The following SGCZ variants were observed in gnomAD, a reference collection of about 807,000 sequenced individuals.
The protein encoded by SGCZ is sarcoglycan zeta, also known as zeta-sarcoglycan.
Under a neutral mutation model 41.3 loss-of-function variants are expected in SGCZ, and 40 were observed. That is an observed-to-expected ratio of 0.97 (90% CI 0.75 to 1.26). The LOEUF (loss-of-function observed/expected upper bound fraction) is 1.26. Ranked by LOEUF, SGCZ falls within the 50% of genes most tolerant of loss-of-function variation. SGCZ has a pLI of 0.00. For missense variants in SGCZ, 552 were observed against 369.8 expected (o/e 1.49, Z -4.04); for synonymous variants, 206 against 137.5 (o/e 1.50, Z -3.49).
At chr8:14,538,393 A>G (rs1005552137) in intron 2 of SGCZ, among the ~76,000 whole-genome samples, 7 of 152,052 alleles carry the variant, frequency 4.6e-5, no homozygotes, top group East Asian at 3.9e-4. Flanking sequence ...ACATCAACAC[A>G]TGTATTCAAT....
intron 1 of SGCZ, among the ~76,000 whole-genome samples, chr8:15,229,015 G>T (rs1181054579): frequency 6.6e-6 from 1 of 152,140 alleles, no homozygotes; most frequent in African/African-American, 2.4e-5. Context: ...CCAACATGGT[G>T]AAACCCGTAT....
intron 2 of SGCZ, among the ~76,000 whole-genome samples, chr8:14,429,270 G>A (rs1316289242): frequency 1.3e-5 from 2 of 152,208 alleles, no homozygotes; most frequent in Non-Finnish European, 2.9e-5. Flanking sequence ...TGCTGGATGT[G>A]AGGCTGGGGT....
intron 1 of SGCZ, among the ~76,000 whole-genome samples, chr8:15,030,950 C>A (rs984153996): frequency 2.3e-4 from 35 of 152,036 alleles, no homozygotes; most frequent in Admixed American, 9.2e-4. Context: ...GGAGGCCACA[C>A]CAATTTTTAT....
intron 1 of SGCZ, among the ~76,000 whole-genome samples, chr8:15,116,987 T>C (rs1345098442): frequency 6.6e-6 from 1 of 152,252 alleles, no homozygotes; most frequent in African/African-American, 2.4e-5. Flanking sequence ...CATCAATCTA[T>C]TCTGAATAAT....
intron 3 of SGCZ, among the ~76,000 whole-genome samples, chr8:14,244,249 CCTT>C (rs906657816): frequency 3.3e-5 from 5 of 151,754 alleles, no homozygotes; most frequent in South Asian, 2.1e-4. Context: ...TCTTCCTCCT[CCTT>C]CTCTTCCTTC....
intron 5 of SGCZ, among the ~76,000 whole-genome samples, chr8:14,146,778 A>T (rs1278697426): frequency 2.8e-5 from 4 of 144,820 alleles, no homozygotes; most frequent in African/African-American, 1.1e-4. Flanking sequence ...AGGCTGAGGC[A>T]GGAGAATGGC....
chr8:14,134,985 C>G (rs916936615), intron 5 of SGCZ, among the ~76,000 whole-genome samples: 17 of 152,084 alleles, frequency 1.1e-4, no homozygotes, highest in African/African-American at 3.6e-4. Flanking sequence ...TACATACTGT[C>G]TATAGATACC....
intron 1 of SGCZ, among the ~76,000 whole-genome samples, chr8:14,877,877 A>G (rs1804422011): frequency 6.6e-6 from 1 of 152,058 alleles, no homozygotes; most frequent in African/African-American, 2.4e-5. Context: ...CCTTTCTGTT[A>G]TTACATTTAT....
intron 1 of SGCZ, among the ~76,000 whole-genome samples, chr8:14,863,725 C>T (rs938417579): frequency 6.6e-6 from 1 of 152,070 alleles, no homozygotes; most frequent in Non-Finnish European, 1.5e-5. Context: ...CTGATAAAAG[C>T]AGAGGGAGCT....
chr8:14,801,593 C>G (rs1358929292), intron 1 of SGCZ, among the ~76,000 whole-genome samples: 1 of 151,988 alleles, frequency 6.6e-6, no homozygotes, highest in Non-Finnish European at 1.5e-5. Context: ...TAAGAACGGA[C>G]AGAGATCAGG....
chr8:14,153,478 T>G (rs761281808), intron 5 of SGCZ, among the ~76,000 whole-genome samples: 1 of 152,146 alleles, frequency 6.6e-6, no homozygotes, highest in Admixed American at 6.6e-5. Context: ...AGCAATGAAA[T>G]GATACATCCC....
chr8:14,748,284 A>G (rs973356945), intron 1 of SGCZ, among the ~76,000 whole-genome samples: 1 of 152,152 alleles, frequency 6.6e-6, no homozygotes, highest in Admixed American at 6.6e-5. Flanking sequence ...AAGAATTCAG[A>G]CCCAAGTTGG....
chr8:14,128,303 A>T (rs1390109266), intron 5 of SGCZ, among the ~76,000 whole-genome samples: 1 of 152,226 alleles, frequency 6.6e-6, no homozygotes, highest in Non-Finnish European at 1.5e-5. Flanking sequence ...TGTTGAAAAA[A>T]TGCTAAATGT....
In SGCZ at chr8:14,313,048, G is replaced by A. The variant is rs150903409; in HGVS notation, c.336+11055C>T. 7.9e-5 allele frequency among the ~76,000 whole-genome samples: 12 copies of A among 152,072 alleles called. 1 individual carries two copies. Among genetic ancestry groups the A allele is most frequent in the Admixed American group, 7.9e-4 (12 of 15,246 alleles). On this transcript the variant is annotated intron_variant, in intron 3 of 7. Coordinates refer to ENST00000382080, the MANE Select transcript of SGCZ (RefSeq NM_139167.4). Reference sequence around the variant, plus strand: ...TTGACAGACCTGGACTTGCATTCCTGCTCAACAACGTTTTTTCATGATACT... The same window carrying A: ...TTGACAGACCTGGACTTGCATTCCTACTCAACAACGTTTTTTCATGATACT...
At chr8:14,817,270 C>A (rs372310198) in intron 1 of SGCZ, among the ~76,000 whole-genome samples, 11 of 152,102 alleles carry the variant, frequency 7.2e-5, no homozygotes, top group African/African-American at 2.7e-4. Flanking sequence ...ATCAGCTCAG[C>A]ATCATGGAGG....
At position 14,726,262 on chromosome 8, in the gene SGCZ, C is replaced by CAAA. The variant is rs35093191; in HGVS notation, c.40-171339_40-171337dup. The stretch of plus-strand genomic sequence containing the variant: ...TGGGCAAAAGAGTGAGACTCTGTCT[C>CAAA]AAAAAAAAAAAAAAATCATACGCGT... On this transcript the variant is annotated intron_variant, in intron 1 of 7. Transcript: ENST00000382080. Among the ~76,000 whole-genome samples, 446 of 99,144 alleles carry CAAA rather than the reference C, an allele frequency of 4.5e-3. 2 individuals are homozygous for CAAA. The highest frequency in any genetic ancestry group is 5.3e-3 in the Non-Finnish European group (281 of 52,668). 65.0% of individuals were successfully genotyped at this position (99,144 alleles called of 152,430 possible).
At chr8:15,007,778 T>A (rs1802656995) in intron 1 of SGCZ, among the ~76,000 whole-genome samples, 1 of 152,228 alleles carries the variant, frequency 6.6e-6, no homozygotes, top group African/African-American at 2.4e-5. Context: ...TGAAATATAA[T>A]TACTGTGTAA....
intron 1 of SGCZ, among the ~76,000 whole-genome samples, chr8:14,871,942 G>GTA (rs564294844): frequency 0.023 from 3,425 of 149,084 alleles, 46 homozygotes; most frequent in Middle Eastern, 0.05. Flanking sequence ...ATGTATATGT[G>GTA]TATATATATA....
intron 2 of SGCZ, among the ~76,000 whole-genome samples, chr8:14,530,830 T>C (rs927286215): frequency 1.3e-5 from 2 of 152,120 alleles, no homozygotes; most frequent in Non-Finnish European, 2.9e-5. Context: ...TAAAAAAGAA[T>C]GATTTTTAAT....
Sources: allele counts gnomAD v4.1 joint callset (sites outside exome capture counted in the v4.1 genomes callset), GRCh38; gene constraint gnomAD v4.1.1; transcripts MANE v1.5; gene names NCBI Gene and HGNC (gene_info 2026-07-23, HGNC 2026-07-21).